Variants in GRIK3 observed in about 807,000 individuals in gnomAD.
GRIK3 encodes glutamate ionotropic receptor kainate type subunit 3.
In GRIK3, 29 loss-of-function variants were observed where a neutral mutation model predicts 102.5. The observed-to-expected ratio is 0.28, with a 90% confidence interval of 0.21 to 0.39. The LOEUF is 0.39. GRIK3 is among the 10% of genes least tolerant of loss of function. GRIK3 has a pLI of 1.00. For synonymous variants in GRIK3, 511 were observed against 504.9 expected (o/e 1.01, Z -0.16); for missense variants, 908 against 1,252.4 (o/e 0.73, Z 4.15).
At chr1:37,022,672 A>G (rs1642727304) in intron 1 of GRIK3, among the ~76,000 whole-genome samples, 2 of 152,242 alleles carry the variant, frequency 1.3e-5, no homozygotes, top group Non-Finnish European at 2.9e-5. Flanking sequence ...CATCCTTCAT[A>G]AAATCCTCAT....
At chr1:37,031,109 A>G (rs1395177216) in intron 1 of GRIK3, among the ~76,000 whole-genome samples, 3 of 152,210 alleles carry the variant, frequency 2.0e-5, no homozygotes, top group African/African-American at 7.2e-5. Context: ...ACTGGGATTC[A>G]CCCAAACAAT....
At position 36,798,906 on chromosome 1, in the gene GRIK3, T is replaced by C. The variant is rs558042891; in HGVS notation, c.*2945A>G. ...TATCCACTATTCTTTGTTCGTTTTATAAAAATTCTCACCACTTCTTCTTCC... is the reference window on the plus strand; with the variant it reads ...TATCCACTATTCTTTGTTCGTTTTACAAAAATTCTCACCACTTCTTCTTCC... On this transcript the variant is annotated 3_prime_UTR_variant, in exon 16 of 16. Coordinates refer to ENST00000373091, the MANE Select transcript of GRIK3 (RefSeq NM_000831.4). 1.3e-5 allele frequency: 2 copies of C among 152,344 alleles called. No homozygotes were observed. Among genetic ancestry groups the C allele is most frequent in the African/African-American group, 2.4e-5 (1 of 41,574 alleles). The allele number at this position is 152,344 out of a possible 1,614,324, so 9.4% of individuals were successfully genotyped here.
intron 1 of GRIK3, among the ~76,000 whole-genome samples, chr1:36,994,170 C>T (rs1284653639): frequency 1.3e-5 from 2 of 152,188 alleles, no homozygotes; most frequent in Non-Finnish European, 2.9e-5. Flanking sequence ...AGGGTTACCC[C>T]CTTTTCCATT....
At chr1:36,898,561 A>G (rs1175596340) in intron 1 of GRIK3, among the ~76,000 whole-genome samples, 1 of 152,182 alleles carries the variant, frequency 6.6e-6, no homozygotes, top group Non-Finnish European at 1.5e-5. Flanking sequence ...AATACATCCC[A>G]TGTTCATGGA....
chr1:36,832,653 C>A (rs751845205), intron 10 of GRIK3, among the ~76,000 whole-genome samples: 13 of 152,356 alleles, frequency 8.5e-5, no homozygotes, highest in Admixed American at 8.5e-4. Context: ...GTGTACCCTT[C>A]CTGGGCCTGA....
intron 1 of GRIK3, among the ~76,000 whole-genome samples, chr1:37,015,874 G>A (rs1372715257): frequency 1.3e-5 from 2 of 152,272 alleles, no homozygotes; most frequent in Non-Finnish European, 2.9e-5. Context: ...GGACTACAGG[G>A]AGCGAACAAG....
intron 10 of GRIK3, among the ~76,000 whole-genome samples, chr1:36,833,014 C>T (rs1640328785): frequency 6.6e-6 from 1 of 152,180 alleles, no homozygotes. Flanking sequence ...GTGGGACGCC[C>T]AGCTCCTCTG....
chr1:36,892,850 C>T (rs1267286379), intron 1 of GRIK3, among the ~76,000 whole-genome samples: 1 of 152,092 alleles, frequency 6.6e-6, no homozygotes, highest in African/African-American at 2.4e-5. Flanking sequence ...ATCAAAGGAA[C>T]AGGATAAAAG....
intron 13 of GRIK3, among the ~76,000 whole-genome samples, chr1:36,807,682 A>G (rs1642515841): frequency 1.3e-5 from 2 of 152,156 alleles, no homozygotes; most frequent in South Asian, 4.1e-4. Flanking sequence ...ACTGGCTTCT[A>G]GAGACCCAAA....
At chr1:36,976,278 A>G (rs1002295450) in intron 1 of GRIK3, among the ~76,000 whole-genome samples, 4 of 152,150 alleles carry the variant, frequency 2.6e-5, no homozygotes, top group Non-Finnish European at 5.9e-5. Context: ...CAGAGTTTTA[A>G]ATCTCAGCTA....
chr1:36,933,156 T>G (rs1641615378), intron 1 of GRIK3, among the ~76,000 whole-genome samples: 3 of 152,176 alleles, frequency 2.0e-5, no homozygotes, highest in Non-Finnish European at 4.4e-5. Context: ...CTCTCTGCTT[T>G]CTAAACAGTC....
chr1:36,821,632 C>G (rs1642696543), intron 11 of GRIK3, among the ~76,000 whole-genome samples: 1 of 152,194 alleles, frequency 6.6e-6, no homozygotes, highest in African/African-American at 2.4e-5. Flanking sequence ...CCAGATGGAC[C>G]CATGCAGAAG....
intron 1 of GRIK3, among the ~76,000 whole-genome samples, chr1:36,980,510 T>C (rs1480195422): frequency 6.6e-6 from 1 of 151,818 alleles, no homozygotes; most frequent in African/African-American, 2.4e-5. Context: ...TGGTTTGGAC[T>C]CTGGATGCCT....
At chr1:37,006,273 T>G (rs550842624) in intron 1 of GRIK3, among the ~76,000 whole-genome samples, 1 of 152,344 alleles carries the variant, frequency 6.6e-6, no homozygotes, top group Non-Finnish European at 1.5e-5. Context: ...CTTCTCCTCC[T>G]GCCCTCCAGG....
chr1:36,890,692 T>C (rs953413465), intron 2 of GRIK3, among the ~76,000 whole-genome samples: 1 of 152,162 alleles, frequency 6.6e-6, no homozygotes, highest in East Asian at 1.9e-4. Context: ...ATGCATCCAT[T>C]GTGCAGATGA....
chr1:36,957,679 A>AGC (rs1290340503), intron 1 of GRIK3, among the ~76,000 whole-genome samples: 3 of 119,010 alleles, frequency 2.5e-5, no homozygotes, highest in Non-Finnish European at 3.4e-5. Flanking sequence ...GTGCCCCGTG[A>AGC]CTCTGTGCCC....
At position 37,017,644 on chromosome 1, in the gene GRIK3, C is replaced by G. The variant is rs150763460; in HGVS notation, c.115+16350G>C. Among the ~76,000 whole-genome samples, 199 of 152,224 alleles carry G rather than the reference C, an allele frequency of 1.3e-3. 1 individual carries two copies. Among genetic ancestry groups the G allele is most frequent in the South Asian group, 4.2e-3 (20 of 4,818 alleles). The stretch of plus-strand genomic sequence containing the variant: ...AATCCAGGGCCCCTTGATAATACCC[C>G]TGGCCAATCTGTGCTTGAGAAGCCG... On this transcript the variant is annotated intron_variant, in intron 1 of 15. Coordinates refer to ENST00000373091, the MANE Select transcript of GRIK3 (RefSeq NM_000831.4).
At chr1:36,853,957 C>T (rs551560753) in intron 7 of GRIK3, among the ~76,000 whole-genome samples, 2 of 152,308 alleles carry the variant, frequency 1.3e-5, no homozygotes, top group African/African-American at 4.8e-5. Flanking sequence ...TGTACAACAT[C>T]GATCTTGGAT....
At chr1:36,897,264 A>C (rs1570786233) in intron 1 of GRIK3, among the ~76,000 whole-genome samples, 1 of 152,218 alleles carries the variant, frequency 6.6e-6, no homozygotes, top group Non-Finnish European at 1.5e-5. Flanking sequence ...TTTCACAAAA[A>C]ATCAGTTAGA....
Sources: gnomAD v4.1 joint callset for allele counts (sites outside exome capture counted in the v4.1 genomes callset) on GRCh38, gnomAD v4.1.1 for gene constraint, MANE v1.5 for transcripts, NCBI Gene and HGNC (gene_info 2026-07-23, HGNC 2026-07-21) for gene names.